Variants in LAS1L observed in about 807,000 individuals in gnomAD.
LAS1L encodes the protein ribosomal biogenesis protein LAS1L.
Under a neutral mutation model 57.3 loss-of-function variants are expected in LAS1L, and 5 were observed. The ratio of observed to expected loss-of-function variants is 0.09; its 90% confidence interval spans 0.05 to 0.18. The LOEUF (loss-of-function observed/expected upper bound fraction) is 0.18, where lower values mean the gene tolerates loss of function less well. Ranked by LOEUF, LAS1L falls within the 10% of genes least tolerant of loss-of-function variation. LAS1L has a pLI of 1.00. For synonymous variants in LAS1L, 245 were observed against 231.7 expected (o/e 1.06, Z -0.52); for missense variants, 360 against 568.3 (o/e 0.63, Z 3.73).
At chrX:65,528,428 C>G (rs1051335807) in intron 6 of LAS1L, 59 bp from the exon 7 acceptor site, 5 of 664,483 alleles carry the variant, frequency 7.5e-6, no homozygotes, top group Non-Finnish European at 1.2e-5. Flanking sequence ...CACCTCCACC[C>G]CTCCAGGATC....
intron 11 of LAS1L, among the ~76,000 whole-genome samples, chrX:65,519,673 C>T (rs1411056026): frequency 9.0e-6 from 1 of 111,549 alleles, no homozygotes; most frequent in Non-Finnish European, 1.9e-5. Flanking sequence ...GTGAGCACCC[C>T]TCACAGAGCC....
At position 65,512,720 on chromosome X, in the gene LAS1L, G is replaced by C. The variant is rs2068492159; in HGVS notation, c.*55C>G. On this transcript the variant is annotated 3_prime_UTR_variant, in exon 14 of 14. Coordinates refer to ENST00000374811, the MANE Select transcript of LAS1L (RefSeq NM_031206.7). ...TCTCAGGGAGCATCAGTTGTACTAG[G>C]GGGTGGGCTGTTGCCCTGGCACGGC... is the stretch of plus-strand genomic sequence containing the variant. 8.8e-7 allele frequency: 1 copy of C among 1,137,261 alleles called. No individual in the cohort carries two copies. Among genetic ancestry groups the C allele is most frequent in the East Asian group, 3.3e-5 (1 of 30,469 alleles). 93.7% of individuals were successfully genotyped at this position (1,137,261 alleles called of 1,213,427 possible).
intron 9 of LAS1L, 77 bp downstream of exon 9, chrX:65,524,487 C>G (rs2069024233): frequency 1.6e-5 from 8 of 504,672 alleles, no homozygotes; most frequent in Non-Finnish European, 2.5e-5. Flanking sequence ...TAGTATCTGG[C>G]AACCAACAAC....
chrX:65,518,299 C>T lies in LAS1L; in HGVS notation c.1615G>A (p.Val539Ile), dbSNP rs143771475. 2.0e-5 allele frequency: 24 copies of T among 1,210,697 alleles called. No individual in the cohort carries two copies. The highest frequency in any genetic ancestry group is 8.7e-5 in the Admixed American group (4 of 45,866). The change falls in exon 12 of 14, where the codon GTC (valine) becomes ATC (isoleucine). Residue 539 changes from valine to isoleucine, a missense_variant. Val to Ile is a conservative substitution (Grantham distance 29). Transcript: ENST00000374811. ...CCGAAGCTGGAGCTGGCTGGCTTGA[C>T]GCTCCAATACAGGCTGTCTAGTGTA... ...PYTLDSLYWS[V>I]KPASSSFGSE...
In LAS1L at chrX:65,525,747, T is replaced by TAAAA. The variant is rs2069097345; in HGVS notation, c.957-698_957-697insTTTT. ...AAGGTCTTCACCAAGGTCTGATTTTTCAAAAAAAAAAAAAAAAAAAAGAAA... is the reference window on the plus strand; with the variant it reads ...AAGGTCTTCACCAAGGTCTGATTTTTAAAACAAAAAAAAAAAAAAAAAAAAGAAA... On this transcript the variant is annotated intron_variant, in intron 7 of 13. Coordinates refer to ENST00000374811, the MANE Select transcript of LAS1L (RefSeq NM_031206.7). 1.0e-4 allele frequency among the ~76,000 whole-genome samples: 6 copies of TAAAA among 57,328 alleles called. No homozygotes were observed. In the African/African-American group the frequency reaches 3.1e-3, roughly 29 times the overall value. 49.8% of individuals were successfully genotyped at this position (57,328 alleles called of 115,157 possible).
At chrX:65,520,389 A>AGTT in intron 11 of LAS1L, 1 of 690,374 alleles carries the variant, frequency 1.4e-6, no homozygotes, top group Non-Finnish European at 1.7e-6. Flanking sequence ...AAGTAAATGA[A>AGTT]GTTAACCTCT....
At chrX:65,531,081 A>G (rs2069462104) in intron 4 of LAS1L, among the ~76,000 whole-genome samples, 1 of 112,626 alleles carries the variant, frequency 8.9e-6, no homozygotes, top group African/African-American at 3.2e-5. Context: ...GCTGAAACAA[A>G]AGGAGAAATC....
intron 7 of LAS1L, among the ~76,000 whole-genome samples, chrX:65,525,748 C>CAAAAAAAAAAAAAAAAAAAAAAAA (rs772564998): frequency 5.0e-4 from 19 of 38,229 alleles, no homozygotes; most frequent in African/African-American, 1.5e-3. Flanking sequence ...TCTGATTTTT[C>CAAAAAAAAAAAAAAAAAAAAAAAA]AAAAAAAAAA....
At chrX:65,522,592 G>C (rs946135274) in intron 11 of LAS1L, 1 of 111,280 alleles carries the variant, frequency 9.0e-6, no homozygotes, top group Non-Finnish European at 1.9e-5. Context: ...AGGTGCTGAT[G>C]ATGAGTGGCC....
At chrX:65,525,765 A>AAAAAAAAAAAAAAAAAAAAAAAAG (rs1556309415) in intron 7 of LAS1L, among the ~76,000 whole-genome samples, 1 of 107,508 alleles carries the variant, frequency 9.3e-6, no homozygotes, top group African/African-American at 3.6e-5. Context: ...AAAAAAAAAA[A>AAAAAAAAAAAAAAAAAAAAAAAAG]AAAGAAAGAA....
intron 6 of LAS1L, 52 bp downstream of exon 6, chrX:65,529,160 A>T: frequency 9.7e-7 from 1 of 1,035,445 alleles, no homozygotes; most frequent in Non-Finnish European, 1.4e-6. Context: ...GGCAAGAGGG[A>T]AGAAATGGCT....
chrX:65,532,485 G>T (rs1172442854), intron 3 of LAS1L, 76 bp downstream of exon 3: 2 of 741,570 alleles, frequency 2.7e-6, no homozygotes, highest in East Asian at 3.2e-5. Flanking sequence ...CTGACTGTGT[G>T]CCCACAATAC....
rs1410350952 is a variant in LAS1L at position 65,514,979 on chromosome X, G to A, written c.1928-6C>T. 9 of 1,203,685 alleles carry A rather than the reference G, an allele frequency of 7.5e-6. No homozygotes were observed. In the Admixed American group the frequency reaches 8.8e-5, roughly 12 times the overall value. ...TGTGTCCCATCGCACGTCTTCTGTG[G>A]AGCAAAGGGAAGTGGCAAGACTGGG... On this transcript the variant is annotated splice_region_variant and splice_polypyrimidine_tract_variant and intron_variant, in intron 12 of 13. Transcript: ENST00000374811.
At chrX:65,531,154 TTAATA>T (rs2069466661) in intron 4 of LAS1L, among the ~76,000 whole-genome samples, 198 bp downstream of exon 4, 1 of 112,558 alleles carries the variant, frequency 8.9e-6, no homozygotes, top group Non-Finnish European at 1.9e-5. Context: ...TTTTTCCACA[TTAATA>T]TGTTATTTAT....
At position 65,534,734 on chromosome X, in the gene LAS1L, C is replaced by G. The variant is rs566072666; in HGVS notation, c.-19G>C. On this transcript the variant is annotated 5_prime_UTR_variant, in exon 1 of 14. Transcript: ENST00000374811. ...ACGACATACTGAGCTCAACAACAGGCTCTGTGCCGCGCCGCTCCGCACAGC... is the reference window on the plus strand; with the variant it reads ...ACGACATACTGAGCTCAACAACAGGGTCTGTGCCGCGCCGCTCCGCACAGC... The G allele has an allele frequency of 1.8e-6, 2 of 1,122,992 alleles. No homozygotes were observed. The highest frequency in any genetic ancestry group is 2.0e-5 in the South Asian group (1 of 50,805). 92.5% of individuals were successfully genotyped at this position (1,122,992 alleles called of 1,213,427 possible). A position where few individuals can be genotyped will look rare whatever the true frequency, so the allele number is the denominator to read the frequency against.
chrX:65,526,416 C>T lies in LAS1L; in HGVS notation c.957-1366G>A, dbSNP rs192509561. 2.8e-3 allele frequency among the ~76,000 whole-genome samples: 316 copies of T among 111,863 alleles called. 3 individuals are homozygous for T. The highest frequency in any genetic ancestry group is 0.014 in the Middle Eastern group (3 of 219). ...ACTACTGTGTTAGGGGCATAGTTTT[C>T]CCAGCTGCTAATGAAGCCACCACCA... On this transcript the variant is annotated intron_variant, in intron 7 of 13. Transcript: ENST00000374811.
chrX:65,525,492 G>A (rs1347813154), intron 7 of LAS1L, among the ~76,000 whole-genome samples: 1 of 110,283 alleles, frequency 9.1e-6, no homozygotes, highest in Non-Finnish European at 1.9e-5. Flanking sequence ...CTTCTCCCTG[G>A]CTACCTTCTT....
chrX:65,522,235 G>T (rs953849481), intron 11 of LAS1L: 1 of 110,189 alleles, frequency 9.1e-6, no homozygotes, highest in African/African-American at 3.3e-5. Flanking sequence ...CACGAGGGCT[G>T]GACCTCAGGT....
At chrX:65,518,501 A>G (rs749130849) in intron 11 of LAS1L, 36 bp from the exon 12 acceptor site, 21 of 1,152,436 alleles carry the variant, frequency 1.8e-5, no homozygotes, top group Non-Finnish European at 2.4e-5. Context: ...GAAAGATTCA[A>G]AATCTCAAGC....
Sources: allele counts gnomAD v4.1 joint callset (sites outside exome capture counted in the v4.1 genomes callset), GRCh38; gene constraint gnomAD v4.1.1; transcripts MANE v1.5; gene names NCBI Gene and HGNC (gene_info 2026-07-23, HGNC 2026-07-21).